The following CUL1 variants were observed in gnomAD, a reference collection of about 807,000 sequenced individuals.
CUL1 encodes cullin-1.
Under a neutral mutation model 118.0 loss-of-function variants are expected in CUL1, and 24 were observed. That is an observed-to-expected ratio of 0.20 (90% CI 0.15 to 0.29). The LOEUF is 0.29. Ranked by LOEUF, CUL1 falls within the 10% of genes least tolerant of loss-of-function variation. The pLI is 1.00. For missense variants in CUL1, 361 were observed against 933.8 expected, an observed-to-expected ratio of 0.39 and a Z score of 7.99; for synonymous variants, 332 against 340.4, an observed-to-expected ratio of 0.98 and a Z score of 0.27.
chr7:148,778,458 A>T (rs191987204), intron 9 of CUL1, among the ~76,000 whole-genome samples: 2 of 152,136 alleles, frequency 1.3e-5, no homozygotes, highest in East Asian at 3.9e-4. Flanking sequence ...CATACTCTCT[A>T]TGGTTTTATT....
At chr7:148,731,985 G>A (rs986845148) in intron 2 of CUL1, among the ~76,000 whole-genome samples, 4 of 152,166 alleles carry the variant, frequency 2.6e-5, no homozygotes, top group Admixed American at 6.5e-5. Flanking sequence ...CATTGTGTGC[G>A]AGTTTTTGAG....
intron 1 of CUL1, among the ~76,000 whole-genome samples, chr7:148,710,035 C>T (rs773210036): frequency 1.1e-4 from 16 of 151,870 alleles, no homozygotes; most frequent in Non-Finnish European, 1.5e-4. Context: ...TGCAGTGAGC[C>T]GAGGTGGCAC....
intron 3 of CUL1, 74 bp from the exon 4 acceptor site, chr7:148,756,909 T>A: frequency 1.9e-6 from 2 of 1,033,856 alleles, no homozygotes; most frequent in Non-Finnish European, 2.7e-6. Flanking sequence ...ATACAGTAGA[T>A]GTTATTCACC....
intron 9 of CUL1, among the ~76,000 whole-genome samples, chr7:148,772,596 A>G (rs774708035): frequency 6.6e-6 from 1 of 152,204 alleles, no homozygotes; most frequent in African/African-American, 2.4e-5. Context: ...CATTTAGGGC[A>G]TTCCTGTAGT....
intron 9 of CUL1, among the ~76,000 whole-genome samples, chr7:148,778,070 C>CAAAAAAAAAAAAAAAAAAAAAAAAAA (rs1203417069): frequency 2.9e-4 from 4 of 13,794 alleles, no homozygotes; most frequent in Non-Finnish European, 4.2e-4. Flanking sequence ...GACCCTGTCT[C>CAAAAAAAAAAAAAAAAAAAAAAAAAA]AAAAAAAAAA....
chr7:148,740,303 C>T (rs1563155517), intron 2 of CUL1, among the ~76,000 whole-genome samples: 1 of 152,166 alleles, frequency 6.6e-6, no homozygotes, highest in African/African-American at 2.4e-5. Context: ...AATCCACCTA[C>T]CTCGGCCTCC....
At chr7:148,717,656 C>T (rs1041110951) in intron 1 of CUL1, among the ~76,000 whole-genome samples, 6 of 151,986 alleles carry the variant, frequency 3.9e-5, no homozygotes, top group South Asian at 2.1e-4. Context: ...CTGACCCAGC[C>T]GCCACCTCTC....
Position 148,723,538 on chromosome 7 carries a change from CAAGT to C in CUL1, c.-161-6420_-161-6417del, listed in dbSNP as rs1798462772. 5.3e-5 allele frequency among the ~76,000 whole-genome samples: 8 copies of C among 151,998 alleles called. No individual in the cohort carries two copies. In the South Asian group the frequency reaches 1.7e-3, roughly 32 times the overall value. Reference sequence around the variant, plus strand: ...TACATACAGGTGTTTATCAATCACTCAAGTAAGCAAAAAGTAAATACTTATAAGG... The same window carrying C: ...TACATACAGGTGTTTATCAATCACTCAAGCAAAAAGTAAATACTTATAAGG... On this transcript the variant is annotated intron_variant, in intron 1 of 21. Transcript: ENST00000325222.
intron 9 of CUL1, among the ~76,000 whole-genome samples, chr7:148,773,520 G>C (rs558996212): frequency 6.6e-6 from 1 of 152,290 alleles, no homozygotes; most frequent in African/African-American, 2.4e-5. Flanking sequence ...TGAGAGCGAA[G>C]CTCACGCCTC....
chr7:148,699,115 G>T, intron 1 of CUL1, 86 bp downstream of exon 1: 1 of 153,014 alleles, frequency 6.5e-6, no homozygotes, highest in South Asian at 1.8e-4. Context: ...GTGTCGCAGT[G>T]ACTCGGGCCG....
intron 9 of CUL1, among the ~76,000 whole-genome samples, chr7:148,773,984 C>G (rs556803060): frequency 6.6e-6 from 1 of 152,276 alleles, no homozygotes; most frequent in South Asian, 2.1e-4. Context: ...ATACTTACAT[C>G]TTAGTTACAC....
intron 9 of CUL1, among the ~76,000 whole-genome samples, chr7:148,782,652 C>T (rs1265914007): frequency 1.3e-5 from 2 of 152,008 alleles, no homozygotes; most frequent in African/African-American, 4.8e-5. Context: ...CTTTTTTTAA[C>T]AGGAAACTTC....
At chr7:148,723,732 G>A (rs555451458) in intron 1 of CUL1, among the ~76,000 whole-genome samples, 9 of 149,208 alleles carry the variant, frequency 6.0e-5, no homozygotes, top group Admixed American at 4.0e-4. Flanking sequence ...AAAAGTTGCC[G>A]AACCAGTGTG....
Position 148,787,646 on chromosome 7 carries a change from T to C in CUL1, c.1479+526T>C, listed in dbSNP as rs367774388. On this transcript the variant is annotated intron_variant, in intron 13 of 21. Transcript: ENST00000325222. This position sits in a 1 kb window ranked among gnomAD's most constrained non-coding sequence, Gnocchi z 5.5. The stretch of plus-strand genomic sequence containing the variant: ...CCACCCCACTGTGGGGCTTCCATCC[T>C]ACCCAGGCCTGGCTGGGCTCAGCTC... Among the ~76,000 whole-genome samples, 393 of 152,176 alleles carry C rather than the reference T, an allele frequency of 2.6e-3. 2 individuals carry two copies. The highest frequency in any genetic ancestry group is 9.1e-3 in the African/African-American group (377 of 41,554).
At chr7:148,764,463 C>T (rs958898183) in intron 7 of CUL1, among the ~76,000 whole-genome samples, 1 of 152,204 alleles carries the variant, frequency 6.6e-6, no homozygotes, top group Non-Finnish European at 1.5e-5. Flanking sequence ...TTCACTCTTC[C>T]TGCCCCCTCA....
At position 148,738,422 on chromosome 7, in the gene CUL1, G is replaced by A. The variant is rs1027014294; in HGVS notation, c.140+8160G>A. On this transcript the variant is annotated intron_variant, in intron 2 of 21. Transcript: ENST00000325222. ...ACAGAAGCATGCCTTGGCAGACAAC[G>A]TTTCTAGGATGACAGAAGAGTTGTA... 3.3e-5 allele frequency among the ~76,000 whole-genome samples: 5 copies of A among 152,254 alleles called. No homozygotes were observed. The South Asian group carries it at 6.2e-4, about 19-fold the overall frequency.
intron 3 of CUL1, among the ~76,000 whole-genome samples, chr7:148,755,678 A>C (rs1223109791): frequency 6.6e-6 from 1 of 152,240 alleles, no homozygotes; most frequent in Non-Finnish European, 1.5e-5. Flanking sequence ...GTTGATGACC[A>C]TGCCATCAGT....
At chr7:148,791,628 C>T (rs1584821792) in intron 16 of CUL1, among the ~76,000 whole-genome samples, 2 of 152,350 alleles carry the variant, frequency 1.3e-5, no homozygotes, top group East Asian at 1.9e-4. Context: ...ATTAGCAACA[C>T]GCTCGTTCCC....
intron 2 of CUL1, among the ~76,000 whole-genome samples, chr7:148,743,362 C>T (rs1214799051): frequency 6.6e-6 from 1 of 152,184 alleles, no homozygotes; most frequent in African/African-American, 2.4e-5. Flanking sequence ...TTGCATCTGC[C>T]ATGGTGGGAA....
Sources: allele counts gnomAD v4.1 joint callset (sites outside exome capture counted in the v4.1 genomes callset), GRCh38; gene constraint gnomAD v4.1.1; non-coding constraint Gnocchi (gnomAD v3.1); transcripts MANE v1.5; gene names NCBI Gene and HGNC (gene_info 2026-07-23, HGNC 2026-07-21).